CMSS1: variants seen among roughly 807,000 people sequenced by gnomAD.
CMSS1 encodes cms1 ribosomal small subunit homolog.
A neutral mutation model predicts 43.5 loss-of-function variants in CMSS1; 33 were observed. The ratio of observed to expected loss-of-function variants is 0.76; its 90% CI spans 0.57 to 1.01. The LOEUF is 1.01. Ranked by LOEUF, CMSS1 falls within the 50% of genes least tolerant of loss-of-function variation. The pLI is 0.00. For synonymous variants in CMSS1, 115 were observed against 117.2 expected (o/e 0.98, Z 0.12); for missense variants, 313 against 326.4 (o/e 0.96, Z 0.32).
At chr3:99,936,058 G>T (rs1042463503) in intron 1 of CMSS1, among the ~76,000 whole-genome samples, 1 of 151,798 alleles carries the variant, frequency 6.6e-6, no homozygotes, top group Non-Finnish European at 1.5e-5. Context: ...ACATAGTTAG[G>T]TGCTACTTAG....
At chr3:100,111,004 T>C (rs1251326398) in intron 1 of CMSS1, among the ~76,000 whole-genome samples, 1 of 152,186 alleles carries the variant, frequency 6.6e-6, no homozygotes, top group African/African-American at 2.4e-5. Context: ...ATCTTATTAC[T>C]CAGAATAATT....
chr3:99,972,296 C>T (rs537233652), intron 1 of CMSS1, among the ~76,000 whole-genome samples: 5 of 152,046 alleles, frequency 3.3e-5, no homozygotes, highest in South Asian at 2.1e-4. Context: ...GTTCATTTGC[C>T]GAATTGACTT....
chr3:99,845,432 A>G (rs1280840936), intron 1 of CMSS1, among the ~76,000 whole-genome samples: 2 of 152,188 alleles, frequency 1.3e-5, no homozygotes, highest in East Asian at 1.9e-4. Flanking sequence ...AGAGAGACGA[A>G]AAAACAGTCT....
At chr3:99,818,112 C>A in intron 1 of CMSS1, 69 bp downstream of exon 1, 2 of 1,474,980 alleles carry the variant, frequency 1.4e-6, no homozygotes, top group Non-Finnish European at 1.9e-6. Flanking sequence ...CAGCCCTGGT[C>A]GCTTCTGGCG....
intron 1 of CMSS1, among the ~76,000 whole-genome samples, chr3:99,938,454 A>G (rs1707758249): frequency 6.6e-6 from 1 of 152,220 alleles, no homozygotes; most frequent in Non-Finnish European, 1.5e-5. Context: ...TACGACACTC[A>G]TGGCCAAGGA....
chr3:100,141,691 C>G (rs2066806634), intron 1 of CMSS1: 2 of 394,952 alleles, frequency 5.1e-6, no homozygotes, highest in African/African-American at 2.1e-5. Flanking sequence ...GCTGTTGTTG[C>G]CAGGGGTTGA....
chr3:99,825,345 G>T lies in CMSS1; in HGVS notation c.64+7302G>T, dbSNP rs369847910. Among the ~76,000 whole-genome samples the T allele has an allele frequency of 1.2e-4, 18 of 152,286 alleles. No individual in the cohort carries two copies. In the East Asian group the frequency reaches 1.7e-3, roughly 15 times the overall value. ...AGTCAAAATGCAAATAGTATTGACA[G>T]ATATTCAGGGGCAAAACACAGGGGC... is the stretch of plus-strand genomic sequence containing the variant. On this transcript the variant is annotated intron_variant, in intron 1 of 9. Coordinates refer to ENST00000421999, the MANE Select transcript of CMSS1 (RefSeq NM_032359.4).
At chr3:100,041,505 C>CA in intron 1 of CMSS1, 1 of 151,850 alleles carries the variant, frequency 6.6e-6, no homozygotes. Context: ...TGTGATGTTA[C>CA]AAAAAAGCAA....
chr3:100,154,523 G>A (rs1411424111), intron 2 of CMSS1, among the ~76,000 whole-genome samples: 1 of 152,204 alleles, frequency 6.6e-6, no homozygotes, highest in East Asian at 1.9e-4. Flanking sequence ...TGACATTTTG[G>A]TGAGTGTGTA....
chr3:99,995,359 C>T (rs1576628507), intron 1 of CMSS1, among the ~76,000 whole-genome samples: 1 of 152,158 alleles, frequency 6.6e-6, no homozygotes, highest in African/African-American at 2.4e-5. Flanking sequence ...AGGTGGGTTC[C>T]CATGGTCTTA....
chr3:100,088,140 AT>A (rs1310809637), intron 1 of CMSS1, among the ~76,000 whole-genome samples: 1 of 152,014 alleles, frequency 6.6e-6, no homozygotes, highest in African/African-American at 2.4e-5. Context: ...TCTAACTATA[AT>A]TTTTTTAAAC....
At chr3:99,929,716 G>T in intron 1 of CMSS1, 2 of 553,854 alleles carry the variant, frequency 3.6e-6, no homozygotes, top group Non-Finnish European at 5.9e-6. Flanking sequence ...TGAACTTGTC[G>T]TATTTATCTG....
chr3:99,881,353 T>A (rs1705720638), intron 1 of CMSS1, among the ~76,000 whole-genome samples: 1 of 152,216 alleles, frequency 6.6e-6, no homozygotes, highest in South Asian at 2.1e-4. Flanking sequence ...TTTGAGAAAA[T>A]GTTGAACTCA....
At chr3:99,919,433 G>C (rs972690116) in intron 1 of CMSS1, among the ~76,000 whole-genome samples, 3 of 147,902 alleles carry the variant, frequency 2.0e-5, no homozygotes, top group African/African-American at 7.5e-5. Context: ...ATGGGACCTG[G>C]CTTGCAGTAG....
intron 1 of CMSS1, chr3:99,898,003 A>G (rs576006066): frequency 3.9e-5 from 6 of 152,266 alleles, no homozygotes; most frequent in Admixed American, 2.0e-4. Context: ...CCTCATACCA[A>G]TGTTACATTT....
At chr3:99,918,066 C>T (rs1484508391) in intron 1 of CMSS1, among the ~76,000 whole-genome samples, 1 of 152,156 alleles carries the variant, frequency 6.6e-6, no homozygotes, top group Non-Finnish European at 1.5e-5. Flanking sequence ...CAACCTCCAC[C>T]TCTTGGGTTC....
chr3:99,973,021 A>G (rs1035633380), intron 1 of CMSS1, among the ~76,000 whole-genome samples: 2 of 152,200 alleles, frequency 1.3e-5, no homozygotes, highest in Non-Finnish European at 1.5e-5. Context: ...GAAACCACTA[A>G]AAGCTCCCCT....
At chr3:99,887,151 C>G (rs1705927481) in intron 1 of CMSS1, among the ~76,000 whole-genome samples, 1 of 151,896 alleles carries the variant, frequency 6.6e-6, no homozygotes, top group African/African-American at 2.4e-5. Context: ...TGCCTGTAAT[C>G]CCAGCTACTC....
chr3:99,893,367 G>C (rs1468722010), intron 1 of CMSS1, among the ~76,000 whole-genome samples: 1 of 151,858 alleles, frequency 6.6e-6, no homozygotes, highest in Non-Finnish European at 1.5e-5. Flanking sequence ...GGGTTTCACT[G>C]TATTAGCCAG....
Sources: gnomAD v4.1 joint callset for allele counts (sites outside exome capture counted in the v4.1 genomes callset) on GRCh38, gnomAD v4.1.1 for gene constraint, MANE v1.5 for transcripts, NCBI Gene and HGNC (gene_info 2026-07-23, HGNC 2026-07-21) for gene names.